The following COL25A1 variants were observed in gnomAD, a reference collection of about 807,000 sequenced individuals.
COL25A1 encodes collagen alpha-1(XXV) chain.
Under a neutral mutation model 128.4 loss-of-function variants are expected in COL25A1, and 103 were observed. That is an observed-to-expected ratio of 0.80 (90% CI 0.68 to 0.94). The LOEUF (loss-of-function observed/expected upper bound fraction) is 0.94. COL25A1 is among the 40% of genes least tolerant of loss of function. The probability of loss-of-function intolerance (pLI) is 0.00; values close to 1 mark genes in which losing one functional copy is unlikely to be tolerated. For synonymous variants in COL25A1, 279 were observed against 277.2 expected (o/e 1.01, Z -0.06); for missense variants, 745 against 840.0 (o/e 0.89, Z 1.40).
chr4:109,251,682 T>C (rs1780657991), intron 3 of COL25A1, among the ~76,000 whole-genome samples: 1 of 152,196 alleles, frequency 6.6e-6, no homozygotes, highest in Non-Finnish European at 1.5e-5. Flanking sequence ...CATTCTTCCT[T>C]TGGGAACTGA....
intron 5 of COL25A1, among the ~76,000 whole-genome samples, chr4:109,036,667 A>G (rs1332397661): frequency 2.0e-5 from 3 of 152,244 alleles, no homozygotes; most frequent in Non-Finnish European, 4.4e-5. Context: ...CAAGCTGATT[A>G]GTTCCACTCT....
chr4:109,037,828 A>G (rs1445766236), intron 5 of COL25A1, among the ~76,000 whole-genome samples: 1 of 152,170 alleles, frequency 6.6e-6, no homozygotes, highest in East Asian at 1.9e-4. Context: ...CAAATGACCT[A>G]TGTGAACGGG....
intron 3 of COL25A1, among the ~76,000 whole-genome samples, chr4:109,094,139 A>C (rs1379768259): frequency 1.3e-5 from 2 of 152,232 alleles, no homozygotes; most frequent in African/African-American, 2.4e-5. Flanking sequence ...ACCTTTCTAC[A>C]TATATGAAAT....
chr4:109,245,781 A>C (rs1780216124), intron 3 of COL25A1, among the ~76,000 whole-genome samples: 1 of 152,198 alleles, frequency 6.6e-6, no homozygotes, highest in Non-Finnish European at 1.5e-5. Context: ...AATAGGACAG[A>C]GCTTCAGTTA....
chr4:108,840,439 A>C (rs1175720797), intron 31 of COL25A1, among the ~76,000 whole-genome samples: 1 of 151,980 alleles, frequency 6.6e-6, no homozygotes, highest in East Asian at 1.9e-4. Context: ...CACTGGCCTT[A>C]CTGGAAGGTA....
At chr4:109,254,831 A>C (rs1780977359) in intron 3 of COL25A1, among the ~76,000 whole-genome samples, 1 of 152,124 alleles carries the variant, frequency 6.6e-6, no homozygotes, top group African/African-American at 2.4e-5. Flanking sequence ...CAAACCAATA[A>C]ATATATTAAT....
chr4:108,876,972 A>G (rs139749016), intron 19 of COL25A1, among the ~76,000 whole-genome samples: 1 of 152,360 alleles, frequency 6.6e-6, no homozygotes, highest in East Asian at 1.9e-4. Context: ...CCTGGTAGAA[A>G]AGATGAATAA....
At chr4:109,140,935 T>A (rs1299899366) in intron 3 of COL25A1, among the ~76,000 whole-genome samples, 1 of 152,206 alleles carries the variant, frequency 6.6e-6, no homozygotes, top group Non-Finnish European at 1.5e-5. Context: ...TTCTTTCTCT[T>A]GCCTGAGTAC....
chr4:109,150,949 C>T (rs908264672), intron 3 of COL25A1, among the ~76,000 whole-genome samples: 2 of 152,036 alleles, frequency 1.3e-5, no homozygotes, highest in African/African-American at 4.8e-5. Context: ...ATAATTACTA[C>T]TGTATCTGTT....
intron 3 of COL25A1, among the ~76,000 whole-genome samples, chr4:109,238,063 C>G (rs1326721862): frequency 6.6e-6 from 1 of 151,992 alleles, no homozygotes; most frequent in African/African-American, 2.4e-5. Context: ...ATTCATCTGT[C>G]AGTGAATACT....
chr4:109,294,972 T>G (rs910433689), intron 3 of COL25A1, among the ~76,000 whole-genome samples: 6 of 152,040 alleles, frequency 3.9e-5, no homozygotes, highest in African/African-American at 1.4e-4. Flanking sequence ...ACTATTTTCA[T>G]TAACATCATG....
At chr4:109,125,224 C>T (rs1768480573) in intron 3 of COL25A1, among the ~76,000 whole-genome samples, 1 of 152,106 alleles carries the variant, frequency 6.6e-6, no homozygotes. Context: ...ATGGCTATCC[C>T]TTAAGGAACT....
rs182066068 is a variant in COL25A1 at position 109,125,976 on chromosome 4, T to C, written c.368-75797A>G. Among the ~76,000 whole-genome samples the C allele has an allele frequency of 5.3e-5, 8 of 152,156 alleles. No homozygotes were observed. The East Asian group carries it at 1.4e-3, about 26-fold the overall frequency. On this transcript the variant is annotated intron_variant, in intron 3 of 37. Coordinates refer to ENST00000399132, the MANE Select transcript of COL25A1 (RefSeq NM_198721.4). ...ACTAAAAGGTGGGAAGAGATATACA[T>C]AATAACTCCAATTCATATTACTAAG...
chr4:109,100,245 C>T (rs3108928), intron 3 of COL25A1, among the ~76,000 whole-genome samples: 47 of 152,044 alleles, frequency 3.1e-4, no homozygotes, highest in Admixed American at 5.9e-4. Flanking sequence ...CAGTCATTTT[C>T]AGCAACGAAG....
At chr4:108,852,724 C>A (rs576992079) in intron 25 of COL25A1, among the ~76,000 whole-genome samples, 178 bp downstream of exon 25, 1 of 152,070 alleles carries the variant, frequency 6.6e-6, no homozygotes, top group African/African-American at 2.4e-5. Context: ...TTTTCTTGAC[C>A]TTTTCACTAA....
intron 3 of COL25A1, among the ~76,000 whole-genome samples, chr4:109,093,456 T>TG (rs1444939033): frequency 2.6e-5 from 2 of 77,414 alleles, no homozygotes; most frequent in African/African-American, 1.7e-4. Flanking sequence ...TCCATCTCTA[T>TG]GAAAAAAAAA....
intron 8 of COL25A1, among the ~76,000 whole-genome samples, chr4:108,964,044 T>G (rs1043090649): frequency 2.0e-5 from 3 of 150,576 alleles, no homozygotes; most frequent in African/African-American, 7.3e-5. Flanking sequence ...ATGTAAATAA[T>G]ATCATAATTA....
rs750136006 is a variant in COL25A1 at position 109,024,820 on chromosome 4, T to C, written c.421-14445A>G. Among the ~76,000 whole-genome samples the C allele has an allele frequency of 2.6e-4, 39 of 152,180 alleles. 1 individual carries two copies. Among genetic ancestry groups the C allele is most frequent in the Admixed American group, 2.0e-4 (3 of 15,278 alleles). On this transcript the variant is annotated intron_variant, in intron 5 of 37. Coordinates refer to ENST00000399132, the MANE Select transcript of COL25A1 (RefSeq NM_198721.4). ...GTGTTTTTAATTACTTGGAAGAATG[T>C]TGCAAAATGCTTAAGATATGCTCTC...
intron 5 of COL25A1, among the ~76,000 whole-genome samples, chr4:109,016,450 C>A (rs753590305): frequency 6.6e-6 from 1 of 152,204 alleles, no homozygotes; most frequent in Admixed American, 6.5e-5. Flanking sequence ...CGGAAAGGGG[C>A]GGGTCCCTGG....
Sources: allele counts gnomAD v4.1 joint callset (sites outside exome capture counted in the v4.1 genomes callset), GRCh38; gene constraint gnomAD v4.1.1; transcripts MANE v1.5; gene names NCBI Gene and HGNC (gene_info 2026-07-23, HGNC 2026-07-21).